Variants in SGPP1 observed in about 807,000 individuals in gnomAD.
SGPP1 encodes the protein hSPP1.
A neutral mutation model predicts 33.0 loss-of-function variants in SGPP1; 21 were observed. The ratio of observed to expected loss-of-function variants is 0.64; its 90% confidence interval spans 0.45 to 0.92. SGPP1 has a LOEUF of 0.92. SGPP1 is among the 40% of genes least tolerant of loss of function. The pLI, the probability that SGPP1 is intolerant of heterozygous loss-of-function variation, is 0.00. For missense variants in SGPP1, 543 were observed against 589.4 expected (o/e 0.92, Z 0.81); for synonymous variants, 239 against 241.2 (o/e 0.99, Z 0.08).
rs545693981 is a variant in SGPP1 at position 63,715,022 on chromosome 14, C to G, written c.684+12239G>C. On this transcript the variant is annotated intron_variant, in intron 1 of 2. Coordinates refer to ENST00000247225, the MANE Select transcript of SGPP1 (RefSeq NM_030791.4). Reference sequence around the variant, plus strand: ...ACAGGCATGAGCCACTGCTCCCAGCCGACCTTTTTTTTTTTTTTTTTTGAG... The same window carrying G: ...ACAGGCATGAGCCACTGCTCCCAGCGGACCTTTTTTTTTTTTTTTTTTGAG... Among the ~76,000 whole-genome samples, 8 of 150,218 alleles carry G rather than the reference C, an allele frequency of 5.3e-5. No individual in the cohort carries two copies. In the South Asian group the frequency reaches 1.7e-3, roughly 32 times the overall value.
rs1282151665 is a variant in SGPP1 at position 63,701,945 on chromosome 14, A to T, written c.685-3287T>A. Among the ~76,000 whole-genome samples, 7 of 144,758 alleles carry T rather than the reference A, an allele frequency of 4.8e-5. No individual in the cohort carries two copies. The East Asian group carries it at 1.4e-3, about 28-fold the overall frequency. 95.0% of individuals were successfully genotyped at this position (144,758 alleles called of 152,430 possible). A position where few individuals can be genotyped will look rare whatever the true frequency, so the allele number is the denominator to read the frequency against. ...AAAAAAAAAAAAAAAGAACCAAAAGAAGTAAAAAAAAAAAAAAAGTCAACT... is the reference window on the plus strand; with the variant it reads ...AAAAAAAAAAAAAAAGAACCAAAAGTAGTAAAAAAAAAAAAAAAGTCAACT... On this transcript the variant is annotated intron_variant, in intron 1 of 2. Coordinates refer to ENST00000247225, the MANE Select transcript of SGPP1 (RefSeq NM_030791.4).
chr14:63,695,940 ATGT>A (rs1223480934), intron 2 of SGPP1, among the ~76,000 whole-genome samples: 1 of 150,804 alleles, frequency 6.6e-6, no homozygotes, highest in Non-Finnish European at 1.5e-5. Context: ...AAAAGAACAG[ATGT>A]TGTCCATCCT....
In SGPP1 at chr14:63,686,674, T is replaced by G; in HGVS notation, c.775-18A>C. The G allele has an allele frequency of 6.5e-7, 1 of 1,534,482 alleles. No individual in the cohort carries two copies. Among genetic ancestry groups the G allele is most frequent in the Non-Finnish European group, 8.9e-7 (1 of 1,122,806 alleles). Reference sequence around the variant, plus strand: ...ATAATATCCTAGGAAAAGATAAAAGTATCGTTGTTTAGTATAATACTGAAT... The same window carrying G: ...ATAATATCCTAGGAAAAGATAAAAGGATCGTTGTTTAGTATAATACTGAAT... On this transcript the variant is annotated intron_variant, in intron 2 of 2. Coordinates refer to ENST00000247225, the MANE Select transcript of SGPP1 (RefSeq NM_030791.4).
rs1340636263 is a variant in SGPP1, at chr14:63,689,205, T to C, written c.775-2549A>G. Among the ~76,000 whole-genome samples, 4 of 152,188 alleles carry C rather than the reference T, an allele frequency of 2.6e-5. 1 individual carries two copies. The highest frequency in any genetic ancestry group is 4.4e-5 in the Non-Finnish European group (3 of 68,034). ...CAAAAGAACTATAATATTACAAGAATTGTCAAATCTACTGTTGTGCTGTTT... is the reference window on the plus strand; with the variant it reads ...CAAAAGAACTATAATATTACAAGAACTGTCAAATCTACTGTTGTGCTGTTT... On this transcript the variant is annotated intron_variant, in intron 2 of 2. Transcript: ENST00000247225.
At chr14:63,712,854 T>C (rs1223307535) in intron 1 of SGPP1, among the ~76,000 whole-genome samples, 1 of 144,758 alleles carries the variant, frequency 6.9e-6, no homozygotes, top group Non-Finnish European at 1.5e-5. Context: ...GAGGTGGAGG[T>C]TGCAGTGAGC....
At chr14:63,713,586 T>C (rs1490823344) in intron 1 of SGPP1, among the ~76,000 whole-genome samples, 1 of 152,228 alleles carries the variant, frequency 6.6e-6, no homozygotes, top group African/African-American at 2.4e-5. Flanking sequence ...ATCTCTAATA[T>C]CTAAAATCCT....
chr14:63,700,734 T>C (rs1885280061), intron 1 of SGPP1, among the ~76,000 whole-genome samples: 1 of 152,206 alleles, frequency 6.6e-6, no homozygotes, highest in Admixed American at 6.5e-5. Context: ...TTAATATTCC[T>C]TGTGCTCCTC....
intron 1 of SGPP1, among the ~76,000 whole-genome samples, chr14:63,705,478 G>T (rs573180723): frequency 2.7e-5 from 4 of 150,782 alleles, no homozygotes; most frequent in Non-Finnish European, 5.9e-5. Context: ...GATGAGCCTG[G>T]GCAACAAGGC....
intron 1 of SGPP1, among the ~76,000 whole-genome samples, chr14:63,702,659 G>A (rs1049547546): frequency 8.6e-5 from 13 of 152,030 alleles, no homozygotes; most frequent in African/African-American, 3.1e-4. Context: ...GCAGTGAGCC[G>A]AGATTGCGCC....
intron 1 of SGPP1, among the ~76,000 whole-genome samples, chr14:63,706,151 T>G (rs1289919078): frequency 6.6e-6 from 1 of 152,162 alleles, no homozygotes; most frequent in African/African-American, 2.4e-5. Flanking sequence ...TAAAAAACAT[T>G]ATGTTAAGTG....
chr14:63,691,202 T>C (rs2139628307), intron 2 of SGPP1, among the ~76,000 whole-genome samples: 1 of 152,310 alleles, frequency 6.6e-6, no homozygotes, highest in African/African-American at 2.4e-5. Flanking sequence ...ATGTTTACGC[T>C]CGATCTTAGC....
At chr14:63,713,304 A>C (rs959320796) in intron 1 of SGPP1, among the ~76,000 whole-genome samples, 20 of 152,184 alleles carry the variant, frequency 1.3e-4, no homozygotes, top group Non-Finnish European at 2.9e-5. Flanking sequence ...GAAACCTCAG[A>C]ACAATACTTT....
At chr14:63,695,889 T>G (rs572599193) in intron 2 of SGPP1, among the ~76,000 whole-genome samples, 2 of 152,276 alleles carry the variant, frequency 1.3e-5, no homozygotes, top group East Asian at 3.9e-4. Flanking sequence ...CCAGCCTGGG[T>G]GACAGAGCAA....
At chr14:63,698,386 A>G (rs1885229827) in intron 2 of SGPP1, among the ~76,000 whole-genome samples, 183 bp downstream of exon 2, 1 of 152,254 alleles carries the variant, frequency 6.6e-6, no homozygotes, top group Non-Finnish European at 1.5e-5. Context: ...TTTCTATGAA[A>G]TATGTGACTA....
At chr14:63,715,439 C>T (rs1412509361) in intron 1 of SGPP1, among the ~76,000 whole-genome samples, 2 of 152,056 alleles carry the variant, frequency 1.3e-5, no homozygotes, top group African/African-American at 2.4e-5. Flanking sequence ...TTTAAAGTGA[C>T]TTATGAAGCA....
At chr14:63,713,819 G>A (rs1885569682) in intron 1 of SGPP1, among the ~76,000 whole-genome samples, 1 of 152,186 alleles carries the variant, frequency 6.6e-6, no homozygotes, top group African/African-American at 2.4e-5. Flanking sequence ...CAGCTTGACT[G>A]GATTAAGAAA....
chr14:63,727,947 T>C lies in SGPP1; in HGVS notation c.-3A>G, dbSNP rs748236138. ...GCCAGGCGCTGCCTCAGCGACATGA[T>C]AACGGAACCCCCGGGAAGGCGGGCC... On this transcript the variant is annotated 5_prime_UTR_variant, in exon 1 of 3. Coordinates refer to ENST00000247225, the MANE Select transcript of SGPP1 (RefSeq NM_030791.4). 3 of 1,544,246 alleles carry C rather than the reference T, an allele frequency of 1.9e-6. No homozygotes were observed. The East Asian group carries it at 7.5e-5, about 39-fold the overall frequency.
chr14:63,710,546 G>A (rs1199216918), intron 1 of SGPP1, among the ~76,000 whole-genome samples: 1 of 152,188 alleles, frequency 6.6e-6, no homozygotes, highest in Non-Finnish European at 1.5e-5. Flanking sequence ...AGAACCCTAA[G>A]GTGGAATGAG....
chr14:63,689,653 G>T (rs1034217788), intron 2 of SGPP1, among the ~76,000 whole-genome samples: 1 of 151,964 alleles, frequency 6.6e-6, no homozygotes, highest in Non-Finnish European at 1.5e-5. Context: ...AAAATTAGCC[G>T]GGTGTGGTGG....
Sources: allele counts gnomAD v4.1 joint callset (sites outside exome capture counted in the v4.1 genomes callset), GRCh38; gene constraint gnomAD v4.1.1; transcripts MANE v1.5; gene names NCBI Gene and HGNC (gene_info 2026-07-23, HGNC 2026-07-21).